The following EIF4G1 variants were observed in gnomAD, a reference collection of about 807,000 sequenced individuals.
EIF4G1 encodes eukaryotic translation initiation factor 4 gamma 1.
EIF4G1 carries 4 observed loss-of-function variants against 187.8 expected under a neutral mutation model. That is an observed-to-expected ratio of 0.02 (90% CI 0.01 to 0.05). The LOEUF is 0.05. EIF4G1 is among the 10% of genes least tolerant of loss of function. The probability of loss-of-function intolerance (pLI) is 1.00; values close to 1 mark genes in which losing one functional copy is unlikely to be tolerated. For synonymous variants in EIF4G1, 844 were observed against 781.4 expected (o/e 1.08, Z -1.34); for missense variants, 1,647 against 2,081.1 (o/e 0.79, Z 4.06).
At chr3:184,331,879 G>A in intron 31 of EIF4G1, 67 bp from the exon 32 acceptor site, 1 of 1,614,032 alleles carries the variant, frequency 6.2e-7, no homozygotes, top group East Asian at 2.2e-5. Flanking sequence ...GTGGGTGTCA[G>A]CCTTGGCCTC....
In EIF4G1 at chr3:184,326,521, C is replaced by G. The variant is rs753625219; in HGVS notation, c.3223-6C>G. 6.2e-7 allele frequency: 1 copy of G among 1,613,996 alleles called. No homozygotes were observed. The highest frequency in any genetic ancestry group is 8.5e-7 in the Non-Finnish European group (1 of 1,180,024). On this transcript the variant is annotated splice_region_variant and splice_polypyrimidine_tract_variant and intron_variant, in intron 21 of 32. Coordinates refer to ENST00000346169, the MANE Select transcript of EIF4G1 (RefSeq NM_198241.3). The stretch of plus-strand genomic sequence containing the variant: ...CCTATGATTCTACTCCCCTTTTCTT[C>G]TTCAGCCTGGCTCCATCGATTCTAA...
Position 184,328,034 on chromosome 3 carries a change from T to C in EIF4G1, c.3953+32T>C, listed in dbSNP as rs201045922. 2.1e-4 allele frequency: 341 copies of C among 1,598,414 alleles called. No individual in the cohort carries two copies. The African/African-American group carries it at 3.9e-3, about 18-fold the overall frequency. On this transcript the variant is annotated intron_variant, in intron 26 of 32. Coordinates refer to ENST00000346169, the MANE Select transcript of EIF4G1 (RefSeq NM_198241.3). ...CCAGCTTCTCTGGGCCTCCCACTTA[T>C]ACAGACCCACAATTTTCTATCTCCT...
intron 3 of EIF4G1, 28 bp downstream of exon 3, chr3:184,315,884 G>A (rs367652023): frequency 1.3e-6 from 2 of 1,542,964 alleles, no homozygotes; most frequent in African/African-American, 1.4e-5. Context: ...AGCAGGGGTG[G>A]GGGTGGGGGA....
chr3:184,331,970 T>C lies in EIF4G1; in HGVS notation c.4502T>C (p.Val1501Ala). 1 of 1,614,170 alleles carries C rather than the reference T, an allele frequency of 6.2e-7. No homozygotes were observed. Residue 1501 changes from valine to alanine, a missense_variant, in exon 32 of 33, where the codon GTT (valine) becomes GCT (alanine). Physicochemically the swap from Val to Ala is moderately conservative, Grantham distance 64 (BLOSUM62 0). Coordinates refer to ENST00000346169, the MANE Select transcript of EIF4G1 (RefSeq NM_198241.3). ...IIFETPLRVD[V>A]AVLKARAKLL... ...GTTGAGACTCCCCTCCGAGTGGACGTTGCAGTGCTGAAAGCGCGAGCGAAG... is the reference window on the plus strand; with the variant it reads ...GTTGAGACTCCCCTCCGAGTGGACGCTGCAGTGCTGAAAGCGCGAGCGAAG...
At position 184,321,878 on chromosome 3, in the gene EIF4G1, A is replaced by G. The variant is rs2178403; in HGVS notation, c.1294A>G (p.Met432Val). Residue 432 changes from methionine (M) to valine (V), a missense_variant, in exon 10 of 33, where the codon ATG becomes GTG. Met to Val is a conservative substitution (Grantham distance 21). Transcript: ENST00000346169. ...EEQAKEVTASMAPPTIPSATP... is the reference protein window; with the variant it reads ...EEQAKEVTASVAPPTIPSATP... The stretch of plus-strand genomic sequence containing the variant: ...GCAGGCCAAGGAGGTGACAGCATCA[A>G]TGGCGCCCCCCACCATCCCCTCTGC... 0.75 allele frequency: 1,212,868 copies of G among 1,613,990 alleles called. 458,701 individuals carry two copies. Among genetic ancestry groups the G allele is most frequent in the African/African-American group, 0.96 (71,832 of 75,022 alleles).
At chr3:184,321,202 G>C in intron 9 of EIF4G1, 80 bp from the exon 10 acceptor site, 2 of 1,585,346 alleles carry the variant, frequency 1.3e-6, no homozygotes, top group Non-Finnish European at 8.7e-7. Context: ...AGTTGGGAAT[G>C]CCTGGGCTGG....
chr3:184,331,283 G>T lies in EIF4G1; in HGVS notation c.4179G>T (p.Gly1393=), dbSNP rs151103437. 10 of 1,614,204 alleles carry T rather than the reference G, an allele frequency of 6.2e-6. No individual in the cohort carries two copies. Among genetic ancestry groups the T allele is most frequent in the Non-Finnish European group, 7.6e-6 (9 of 1,180,050 alleles). The change falls in exon 29 of 33, where the codon GGG becomes GGT. Residue 1393 remains glycine (G), a synonymous_variant. Coordinates refer to ENST00000346169, the MANE Select transcript of EIF4G1 (RefSeq NM_198241.3). ...LCKSMGPKKV[G]TLWREAGLSW... is the part of the protein sequence containing the mutation. ...TTTTCCAGGGTCCTAAAAAGGTGGG[G>T]ACGCTGTGGCGAGAAGCCGGGCTTA... is the stretch of plus-strand genomic sequence containing the variant.
At position 184,327,268 on chromosome 3, in the gene EIF4G1, C is replaced by T; in HGVS notation, c.3481C>T (p.Leu1161=). The part of the protein sequence containing the change: ...GEKAGDRGDR[L]ERSERGGDRG... The stretch of plus-strand genomic sequence containing the variant: ...GAAAGCTGGAGACCGAGGAGACCGC[C>T]TAGAGCGGAGTGAACGGGGAGGGGA... The change falls in exon 24 of 33, where the codon CTA becomes TTA. Residue 1161 remains leucine (L), a synonymous_variant. Coordinates refer to ENST00000346169, the MANE Select transcript of EIF4G1 (RefSeq NM_198241.3). The T allele has an allele frequency of 1.2e-6, 2 of 1,613,650 alleles. No homozygotes were observed. Among genetic ancestry groups the T allele is most frequent in the South Asian group, 2.2e-5 (2 of 91,060 alleles).
Position 184,334,644 on chromosome 3 carries a change from CAGTGG to C in EIF4G1, c.4619-81_4619-77del. 1 of 1,554,606 alleles carries C rather than the reference CAGTGG, an allele frequency of 6.4e-7. No homozygotes were observed. Among genetic ancestry groups the C allele is most frequent in the Non-Finnish European group, 8.9e-7 (1 of 1,129,010 alleles). On this transcript the variant is annotated intron_variant, in intron 32 of 32. Transcript: ENST00000346169. The surrounding 1 kb of genome is among the most constrained non-coding windows in gnomAD (Gnocchi z 5.8). ...CTGGTGCATCAGGGCCTTGTTTGAA[CAGTGG>C]AACTTGGGAGGGTTCCCTGGGGTGG...
chr3:184,320,460 A>T (rs1303627295), intron 7 of EIF4G1, 170 bp from the exon 8 acceptor site: 1 of 1,517,536 alleles, frequency 6.6e-7, no homozygotes, highest in Non-Finnish European at 8.8e-7. Context: ...TGGGGCAGGG[A>T]CTACGAGAGC....
At chr3:184,317,866 A>G (rs766030713) in intron 6 of EIF4G1, 50 bp downstream of exon 6, 4 of 1,365,894 alleles carry the variant, frequency 2.9e-6, no homozygotes, top group South Asian at 1.2e-5. Flanking sequence ...GGGAGCATCT[A>G]AACTCATCTG....
intron 4 of EIF4G1, chr3:184,316,724 G>T: frequency 6.3e-7 from 1 of 1,595,598 alleles, no homozygotes; most frequent in South Asian, 1.1e-5. Context: ...GAGGATTCAG[G>T]TCTCTGCAGG....
rs773236417 is a variant in EIF4G1, at chr3:184,321,735, C to T, written c.1151C>T (p.Pro384Leu). The T allele has an allele frequency of 1.9e-5, 30 of 1,597,874 alleles. No homozygotes were observed. The highest frequency in any genetic ancestry group is 1.9e-4 in the Admixed American group (11 of 59,174). Residue 384 changes from proline to leucine, a missense_variant, in exon 10 of 33, where the codon CCA becomes CTA. Around this residue, in one of 11 missense-constraint regions of EIF4G1, gnomAD observed 522 missense variants for 485.2 expected, o/e 1.08. Coordinates refer to ENST00000346169, the MANE Select transcript of EIF4G1 (RefSeq NM_198241.3). ...TCAAGCCCAGAGCTTGCTCCTCCCC[C>T]AGCTTGCCCCTCCGAATCCCCTGTG... ...VESSPELAPP[P>L]ACPSESPVPI... is the part of the protein sequence containing the mutation.
In EIF4G1 at chr3:184,327,684, C is replaced by T. The variant is rs1382971866; in HGVS notation, c.3760C>T (p.Leu1254Phe). The T allele has an allele frequency of 6.2e-7, 1 of 1,614,118 alleles. No homozygotes were observed. The highest frequency in any genetic ancestry group is 1.7e-4 in the Middle Eastern group (1 of 6,056). The change falls in exon 25 of 33, where the codon CTC becomes TTC. Residue 1254 changes from leucine to phenylalanine, a missense_variant. Leu to Phe is a conservative substitution (Grantham distance 22). This residue lies in a region of EIF4G1 where 543 missense variants were observed against 638.0 expected (regional missense o/e 0.85). Transcript: ENST00000346169. Reference sequence around the variant, plus strand: ...ATCCAAGGCTATCATTGAGGAATATCTCCATCTCAATGACATGAAAGTAGG... The same window carrying T: ...ATCCAAGGCTATCATTGAGGAATATTTCCATCTCAATGACATGAAAGTAGG... ...KKSKAIIEEY[L>F]HLNDMKEAVQ...
At chr3:184,329,829 G>T (rs937935248) in intron 28 of EIF4G1, among the ~76,000 whole-genome samples, 4 of 152,190 alleles carry the variant, frequency 2.6e-5, no homozygotes, top group Admixed American at 6.5e-5. Context: ...TAAAGAGATG[G>T]GGAAAGGTAA....
In EIF4G1 at chr3:184,316,607, CCTTA is replaced by C. The variant is rs1478770944; in HGVS notation, c.147+392_147+395del. The C allele has an allele frequency of 1.4e-5, 15 of 1,107,822 alleles. No individual in the cohort carries two copies. The East Asian group carries it at 1.5e-4, about 11-fold the overall frequency. The allele number at this position is 1,107,822 out of a possible 1,614,324, so 68.6% of individuals were successfully genotyped here. ...GCCTTTCTCTGTTCCCCAGCTTCTT[CCTTA>C]CTAAGTGGGAGGATTCTTGTCCTGT... On this transcript the variant is annotated intron_variant, in intron 4 of 32. Coordinates refer to ENST00000346169, the MANE Select transcript of EIF4G1 (RefSeq NM_198241.3).
At position 184,327,589 on chromosome 3, in the gene EIF4G1, A is replaced by G; in HGVS notation, c.3665A>G (p.Lys1222Arg). ...AATCTGTGTTCTCTTCCCACAGTGA[A>G]GCGAGAAGCTGCCCTACCCCCAGTG... Reference protein sequence around the residue: ...EDRDRGRDAVKREAALPPVSP... With the variant: ...EDRDRGRDAVRREAALPPVSP... The change falls in exon 25 of 33, where the codon AAG becomes AGG. Residue 1222 changes from lysine (K) to arginine (R), a missense_variant. Physicochemically the swap from Lys to Arg is conservative, Grantham distance 26 (BLOSUM62 2). Around this residue, in one of 11 missense-constraint regions of EIF4G1, gnomAD observed 543 missense variants for 638.0 expected, o/e 0.85. Transcript: ENST00000346169. The G allele has an allele frequency of 6.2e-7, 1 of 1,614,080 alleles. No homozygotes were observed. Among genetic ancestry groups the G allele is most frequent in the Non-Finnish European group, 8.5e-7 (1 of 1,179,916 alleles).
chr3:184,326,701 G>A, intron 22 of EIF4G1, 72 bp downstream of exon 22: 17 of 1,567,904 alleles, frequency 1.1e-5, no homozygotes, highest in Non-Finnish European at 1.5e-5. Context: ...TTTTCTGTTA[G>A]GGAGGCCTTC....
Position 184,334,890 on chromosome 3 carries a change from G to T in EIF4G1, c.4782G>T (p.Glu1594Asp). ...TCAAGTGGCTCCGTGAAGCAGAGGA[G>T]GAGTCTGACCACAACTGAGGGCTGG... is the stretch of plus-strand genomic sequence containing the variant. ...AFFKWLREAE[E>D]ESDHN The change falls in exon 33 of 33, where the codon GAG (glutamate) becomes GAT (aspartate). Residue 1594 changes from glutamate to aspartate, a missense_variant. By Grantham distance (45) the Glu-to-Asp change is conservative. Transcript: ENST00000346169. This position sits in a 1 kb window ranked among gnomAD's most constrained non-coding sequence, Gnocchi z 5.8. The T allele has an allele frequency of 6.2e-7, 1 of 1,614,216 alleles. No homozygotes were observed. Among genetic ancestry groups the T allele is most frequent in the African/African-American group, 1.3e-5 (1 of 75,068 alleles).
Sources: allele counts gnomAD v4.1 joint callset (sites outside exome capture counted in the v4.1 genomes callset), GRCh38; gene constraint gnomAD v4.1.1; regional missense constraint gnomAD v4.1.1; non-coding constraint Gnocchi (gnomAD v3.1); transcripts MANE v1.5; gene names NCBI Gene and HGNC (gene_info 2026-07-23, HGNC 2026-07-21).